Variants in EXOSC7 observed in about 807,000 individuals in gnomAD.
The protein encoded by EXOSC7 is exosome component 7, also known as exosome complex component RRP42.
A neutral mutation model predicts 34.3 loss-of-function variants in EXOSC7; 25 were observed. The ratio of observed to expected loss-of-function variants is 0.73; its 90% CI spans 0.53 to 1.02. The LOEUF (loss-of-function observed/expected upper bound fraction) is 1.02. EXOSC7 is among the 50% of genes least tolerant of loss of function. The pLI, the probability that EXOSC7 is intolerant of heterozygous loss-of-function variation, is 0.00. For synonymous variants in EXOSC7, 130 were observed against 143.0 expected (o/e 0.91, Z 0.65); for missense variants, 370 against 368.5 (o/e 1.00, Z -0.03).
chr3:44,981,499 T>A (rs1237714478), intron 1 of EXOSC7, among the ~76,000 whole-genome samples: 2 of 152,160 alleles, frequency 1.3e-5, no homozygotes, highest in African/African-American at 4.8e-5. Flanking sequence ...GAAGTGTGAC[T>A]TTGTCTTAAA....
intron 1 of EXOSC7, among the ~76,000 whole-genome samples, chr3:44,980,821 A>G (rs1166992204): frequency 2.6e-5 from 4 of 152,238 alleles, no homozygotes; most frequent in Non-Finnish European, 5.9e-5. Flanking sequence ...CACATTGAGT[A>G]TAAGTTCCTT....
At chr3:44,977,447 C>T (rs528068256) in intron 1 of EXOSC7, 1 of 152,188 alleles carries the variant, frequency 6.6e-6, no homozygotes, top group Non-Finnish European at 1.5e-5. Context: ...ATTTAAAAAT[C>T]GTGACCTGCC....
chr3:45,011,052 T>G (rs879135862), intron 7 of EXOSC7, among the ~76,000 whole-genome samples, 183 bp from the exon 8 acceptor site: 2 of 152,204 alleles, frequency 1.3e-5, no homozygotes, highest in Non-Finnish European at 2.9e-5. Flanking sequence ...TTTTACAAAA[T>G]TTATTATGTT....
intron 5 of EXOSC7, chr3:45,001,927 A>G (rs1219106030): frequency 6.8e-6 from 2 of 295,936 alleles, no homozygotes; most frequent in African/African-American, 2.2e-5. Context: ...TCCAAATACT[A>G]TTACTGGGTG....
At chr3:44,993,310 AGGGCCTGTGTTG>A (rs1381261960) in intron 3 of EXOSC7, among the ~76,000 whole-genome samples, 2 of 152,100 alleles carry the variant, frequency 1.3e-5, no homozygotes, top group Admixed American at 6.5e-5. Flanking sequence ...AATCAGCCTT[AGGGCCTGTGTTG>A]GGGCTAGATG....
At chr3:45,010,860 A>G (rs896786517) in intron 7 of EXOSC7, among the ~76,000 whole-genome samples, 1 of 152,036 alleles carries the variant, frequency 6.6e-6, no homozygotes, top group Non-Finnish European at 1.5e-5. Flanking sequence ...TGGTCTCCCT[A>G]TAGTACAGTG....
chr3:45,007,750 G>T (rs995768608), intron 7 of EXOSC7, among the ~76,000 whole-genome samples, 175 bp downstream of exon 7: 3 of 152,156 alleles, frequency 2.0e-5, no homozygotes, highest in African/African-American at 7.2e-5. Context: ...GGGGGGTTGT[G>T]GGGGTGGATA....
chr3:44,998,311 C>T (rs1706783803), intron 4 of EXOSC7, among the ~76,000 whole-genome samples: 1 of 151,888 alleles, frequency 6.6e-6, no homozygotes, highest in Non-Finnish European at 1.5e-5. Context: ...GCGGGGATTA[C>T]AGGTGCAAAC....
chr3:45,005,017 G>A (rs980623673), intron 5 of EXOSC7: 3 of 377,168 alleles, frequency 8.0e-6, no homozygotes, highest in East Asian at 4.3e-5. Flanking sequence ...GTATGGCTTC[G>A]TGTGTGTGGT....
At chr3:45,009,809 G>A (rs1461200232) in intron 7 of EXOSC7, among the ~76,000 whole-genome samples, 2 of 152,164 alleles carry the variant, frequency 1.3e-5, no homozygotes, top group African/African-American at 4.8e-5. Context: ...GCCTCCCAAA[G>A]TGTTGAGATT....
At chr3:44,990,458 C>T (rs970520843) in intron 3 of EXOSC7, among the ~76,000 whole-genome samples, 3 of 152,096 alleles carry the variant, frequency 2.0e-5, no homozygotes, top group Admixed American at 1.3e-4. Flanking sequence ...AATTACTTTG[C>T]TTCTGGAAGC....
chr3:45,009,835 C>G, intron 7 of EXOSC7, among the ~76,000 whole-genome samples: 1 of 152,214 alleles, frequency 6.6e-6, no homozygotes, highest in South Asian at 2.1e-4. Context: ...CATCAGCCAC[C>G]ACATCCAGCC....
At chr3:44,991,271 G>A (rs888442127) in intron 3 of EXOSC7, among the ~76,000 whole-genome samples, 2 of 152,084 alleles carry the variant, frequency 1.3e-5, no homozygotes, top group African/African-American at 4.8e-5. Flanking sequence ...TCCTGGTTCT[G>A]CTCATCTTCT....
chr3:45,005,138 TTGACAGGGA>T lies in EXOSC7; in HGVS notation c.492-140_492-132del, dbSNP rs200183833. ...GCACTGCGGCGCCTCCTGTGTGCTT[TTGACAGGGA>T]TGACAGGGATGAGGATGATAAAGAA... On this transcript the variant is annotated intron_variant, in intron 5 of 7. Transcript: ENST00000265564. The T allele has an allele frequency of 1.8e-3, 1,506 of 842,704 alleles. 46 individuals are homozygous for T. The East Asian group carries it at 0.037, about 21-fold the overall frequency. The allele number at this position is 842,704 out of a possible 1,614,324, so 52.2% of individuals were successfully genotyped here. A position where few individuals can be genotyped will look rare whatever the true frequency, so the allele number is the denominator to read the frequency against.
At chr3:45,002,222 T>A (rs1484340568) in intron 5 of EXOSC7, 1 of 152,232 alleles carries the variant, frequency 6.6e-6, no homozygotes, top group African/African-American at 2.4e-5. Flanking sequence ...CTCCAAGTAC[T>A]TTGAGGAAAA....
intron 1 of EXOSC7, among the ~76,000 whole-genome samples, chr3:44,979,001 C>G (rs1026495607): frequency 6.6e-6 from 1 of 152,156 alleles, no homozygotes; most frequent in African/African-American, 2.4e-5. Flanking sequence ...ACCTCCCTCT[C>G]ACCAGTACCA....
chr3:44,995,847 C>A (rs996449692), intron 3 of EXOSC7, among the ~76,000 whole-genome samples: 1 of 152,178 alleles, frequency 6.6e-6, no homozygotes, highest in African/African-American at 2.4e-5. Context: ...AGTGAGATTT[C>A]TTTTAGTGTT....
rs1368802455 is a variant in EXOSC7 at position 44,976,291 on chromosome 3, C to T, written c.14C>T (p.Thr5Met). 7 of 1,562,118 alleles carry T rather than the reference C, an allele frequency of 4.5e-6. No homozygotes were observed. Among genetic ancestry groups the T allele is most frequent in the Admixed American group, 2.0e-5 (1 of 49,672 alleles). MASVTLSEAEKVYIV... is the reference protein window; with the variant it reads MASVMLSEAEKVYIV... ...CAGCTCGGCAGCATGGCGTCCGTGA[C>T]GCTGAGCGAGGCGGAGAAGGTGTAC... Residue 5 changes from threonine to methionine, a missense_variant, in exon 1 of 8, where the codon ACG (threonine) becomes ATG (methionine). This residue lies in a region of EXOSC7 where 95 missense variants were observed against 79.8 expected (regional missense o/e 1.19). Transcript: ENST00000265564.
chr3:44,979,068 A>G (rs546151214), intron 1 of EXOSC7, among the ~76,000 whole-genome samples: 1 of 152,230 alleles, frequency 6.6e-6, no homozygotes, highest in Non-Finnish European at 1.5e-5. Flanking sequence ...TCACAGAGCC[A>G]TGCAGAGTAA....
Sources: gnomAD v4.1 joint callset for allele counts (sites outside exome capture counted in the v4.1 genomes callset) on GRCh38, gnomAD v4.1.1 for gene constraint, gnomAD v4.1.1 regional missense constraint, MANE v1.5 for transcripts, NCBI Gene and HGNC (gene_info 2026-07-23, HGNC 2026-07-21) for gene names.